Variants in ADARB2 observed in about 807,000 individuals in gnomAD.
The protein encoded by ADARB2 is adenosine deaminase RNA specific B2 (inactive).
Under a neutral mutation model 62.2 loss-of-function variants are expected in ADARB2, and 25 were observed. The ratio of observed to expected loss-of-function variants is 0.40; its 90% CI spans 0.29 to 0.56. ADARB2 has a LOEUF of 0.56. ADARB2 is among the 20% of genes least tolerant of loss of function. ADARB2 has a pLI of 0.43. For missense variants in ADARB2, 1,071 were observed against 1,077.4 expected (o/e 0.99, Z 0.08); for synonymous variants, 572 against 500.8 (o/e 1.14, Z -1.90).
intron 4 of ADARB2, among the ~76,000 whole-genome samples, chr10:1,245,055 T>TCA (rs1353876940): frequency 1.3e-5 from 2 of 152,126 alleles, no homozygotes; most frequent in Admixed American, 6.5e-5. Context: ...GCAGTACTGT[T>TCA]GCCCATGAGT....
chr10:1,571,285 C>CTT lies in ADARB2; in HGVS notation c.100+165764_100+165765dup, dbSNP rs768695693. 6.3e-3 allele frequency among the ~76,000 whole-genome samples: 881 copies of CTT among 139,512 alleles called. 10 individuals carry two copies. The highest frequency in any genetic ancestry group is 0.023 in the African/African-American group (834 of 36,278). 91.5% of individuals were successfully genotyped at this position (139,512 alleles called of 152,430 possible). Reference sequence around the variant, plus strand: ...AAGTGTAACTTTTGATCTATTTTTACTTTTTTTTTTTTAAAAAAAGCCTGT... The same window carrying CTT: ...AAGTGTAACTTTTGATCTATTTTTACTTTTTTTTTTTTTTAAAAAAAGCCTGT... On this transcript the variant is annotated intron_variant, in intron 1 of 9. Transcript: ENST00000381312.
At chr10:1,310,103 T>A (rs146892705) in intron 3 of ADARB2, among the ~76,000 whole-genome samples, 1 of 152,362 alleles carries the variant, frequency 6.6e-6, no homozygotes, top group African/African-American at 2.4e-5. Context: ...TCTCTATGAT[T>A]TCCTGCTGCT....
chr10:1,655,505 A>G (rs1485998719), intron 1 of ADARB2, among the ~76,000 whole-genome samples: 2 of 152,220 alleles, frequency 1.3e-5, no homozygotes, highest in Non-Finnish European at 2.9e-5. Context: ...TTGATTAACT[A>G]TTTATTCTAA....
intron 4 of ADARB2, among the ~76,000 whole-genome samples, chr10:1,249,391 G>A (rs192930342): frequency 9.0e-4 from 134 of 149,608 alleles, no homozygotes; most frequent in African/African-American, 3.3e-3. Flanking sequence ...GGAGTGAGCT[G>A]AGATTGCGCC....
chr10:1,531,895 C>T (rs561266127), intron 1 of ADARB2, among the ~76,000 whole-genome samples: 42 of 152,264 alleles, frequency 2.8e-4, no homozygotes, highest in South Asian at 1.0e-3. Flanking sequence ...TAACAACACA[C>T]GTGGTCCACA....
chr10:1,621,960 C>T (rs1199844273), intron 1 of ADARB2, among the ~76,000 whole-genome samples: 1 of 152,020 alleles, frequency 6.6e-6, no homozygotes, highest in African/African-American at 2.4e-5. Context: ...GGTTGGAAAA[C>T]TTATACTAGC....
intron 1 of ADARB2, among the ~76,000 whole-genome samples, chr10:1,603,531 C>T (rs1833456794): frequency 6.6e-6 from 1 of 152,050 alleles, no homozygotes; most frequent in African/African-American, 2.4e-5. Flanking sequence ...GAACGATTTC[C>T]TTGGCCGAAG....
At chr10:1,250,624 T>G (rs926664188) in intron 4 of ADARB2, among the ~76,000 whole-genome samples, 4 of 152,132 alleles carry the variant, frequency 2.6e-5, no homozygotes, top group Non-Finnish European at 5.9e-5. Context: ...CTCACCAGAA[T>G]CCACTGCCAT....
intron 1 of ADARB2, among the ~76,000 whole-genome samples, chr10:1,387,160 G>A (rs185474070): frequency 6.6e-6 from 1 of 151,950 alleles, no homozygotes; most frequent in Admixed American, 6.5e-5. Flanking sequence ...GCTTATATTA[G>A]AAACAAAGAA....
chr10:1,563,126 C>A (rs1449357737), intron 1 of ADARB2, among the ~76,000 whole-genome samples: 1 of 151,870 alleles, frequency 6.6e-6, no homozygotes, highest in Non-Finnish European at 1.5e-5. Context: ...AAGGTGCTGA[C>A]GTGAGTCCCT....
intron 7 of ADARB2, among the ~76,000 whole-genome samples, chr10:1,214,233 C>G (rs1359764418): frequency 6.7e-6 from 1 of 149,714 alleles, no homozygotes; most frequent in Non-Finnish European, 1.5e-5. Context: ...TAGGTTTGCA[C>G]CTGTGCCTGG....
In ADARB2 at chr10:1,350,356, A is replaced by G. The variant is rs75086644; in HGVS notation, c.1077+12672T>C. Among the ~76,000 whole-genome samples, 1,415 of 151,654 alleles carry G rather than the reference A, an allele frequency of 9.3e-3. 46 individuals are homozygous for G. The highest frequency in any genetic ancestry group is 0.081 in the East Asian group (419 of 5,142). ...TTCCTCTTTCCAATCTTCCTTTTCT[A>G]CAGACCCATCTGACCCCTCCGCTCC... On this transcript the variant is annotated intron_variant, in intron 3 of 9. Coordinates refer to ENST00000381312, the MANE Select transcript of ADARB2 (RefSeq NM_018702.4).
intron 3 of ADARB2, among the ~76,000 whole-genome samples, chr10:1,293,928 C>T (rs998792385): frequency 2.0e-5 from 3 of 151,792 alleles, no homozygotes; most frequent in Non-Finnish European, 4.4e-5. Flanking sequence ...ATGTCTTTCT[C>T]GCAGCAGAAA....
At chr10:1,505,900 T>C (rs964526647) in intron 1 of ADARB2, among the ~76,000 whole-genome samples, 1 of 152,248 alleles carries the variant, frequency 6.6e-6, no homozygotes, top group African/African-American at 2.4e-5. Context: ...CACAAAAAAG[T>C]AATAAATAAT....
At chr10:1,210,951 G>A (rs61831973) in intron 7 of ADARB2, among the ~76,000 whole-genome samples, 55,813 of 152,052 alleles carry the variant, frequency 0.37, 10,287 homozygotes, top group South Asian at 0.46. Context: ...CCTGGGCAAC[G>A]CGGAGGCTGT....
intron 1 of ADARB2, among the ~76,000 whole-genome samples, chr10:1,392,944 T>A (rs555102272): frequency 6.6e-6 from 1 of 152,172 alleles, no homozygotes; most frequent in African/African-American, 2.4e-5. Context: ...AAAGAGGTAA[T>A]TGTGTTCAAA....
chr10:1,567,250 A>G (rs1832870647), intron 1 of ADARB2, among the ~76,000 whole-genome samples: 1 of 151,898 alleles, frequency 6.6e-6, no homozygotes, highest in Non-Finnish European at 1.5e-5. Context: ...TGGTCTTTTG[A>G]AAACCTGCCC....
chr10:1,436,500 G>A (rs767458108), intron 1 of ADARB2, among the ~76,000 whole-genome samples: 5 of 152,222 alleles, frequency 3.3e-5, no homozygotes, highest in East Asian at 1.9e-4. Flanking sequence ...TTGGAACTGG[G>A]TTATTCTTCA....
At chr10:1,503,540 C>T (rs1831794111) in intron 1 of ADARB2, among the ~76,000 whole-genome samples, 1 of 152,062 alleles carries the variant, frequency 6.6e-6, no homozygotes, top group South Asian at 2.1e-4. Flanking sequence ...GTATCATTTC[C>T]TTTATACAGC....
Sources: allele counts gnomAD v4.1 joint callset (sites outside exome capture counted in the v4.1 genomes callset), GRCh38; gene constraint gnomAD v4.1.1; transcripts MANE v1.5; gene names NCBI Gene and HGNC (gene_info 2026-07-23, HGNC 2026-07-21).